PLD5: variants seen among roughly 807,000 people sequenced by gnomAD.
PLD5 encodes the protein inactive phospholipase D5.
A neutral mutation model predicts 61.1 loss-of-function variants in PLD5; 36 were observed. The observed-to-expected ratio is 0.59, with a 90% CI of 0.45 to 0.78. The LOEUF is 0.78. PLD5 is among the 30% of genes least tolerant of loss of function. The pLI is 0.00. For missense variants in PLD5, 515 were observed against 644.4 expected (o/e 0.80, Z 2.17); for synonymous variants, 243 against 242.8 (o/e 1.00, Z -0.01).
At chr1:242,314,210 C>A (rs992448182) in intron 2 of PLD5, among the ~76,000 whole-genome samples, 2 of 152,126 alleles carry the variant, frequency 1.3e-5, no homozygotes, top group Non-Finnish European at 1.5e-5. Flanking sequence ...GGCTCAGAAA[C>A]CTGATTTGAT....
chr1:242,444,686 T>TTA (rs1553376925), intron 1 of PLD5, among the ~76,000 whole-genome samples: 4 of 14,956 alleles, frequency 2.7e-4, no homozygotes, highest in Admixed American at 5.8e-4. Context: ...ATATAAATAT[T>TTA]TATATTATAT....
intron 2 of PLD5, among the ~76,000 whole-genome samples, chr1:242,330,486 C>T (rs1219195738): frequency 6.6e-6 from 1 of 152,200 alleles, no homozygotes; most frequent in Non-Finnish European, 1.5e-5. Flanking sequence ...CTTCCTGTGA[C>T]TCCCTAGCAC....
At chr1:242,284,389 G>T (rs1434537827) in intron 3 of PLD5, among the ~76,000 whole-genome samples, 13 of 151,666 alleles carry the variant, frequency 8.6e-5, no homozygotes, top group Admixed American at 8.5e-4. Flanking sequence ...TGCCCGCCTC[G>T]GCCTCCCAAA....
chr1:242,398,892 GGATAT>G (rs1476851894), intron 1 of PLD5, among the ~76,000 whole-genome samples: 2 of 152,148 alleles, frequency 1.3e-5, no homozygotes, highest in Admixed American at 6.5e-5. Context: ...TACAGTCATA[GGATAT>G]AATTTTAAGG....
At chr1:242,276,152 A>C (rs1674399347) in intron 3 of PLD5, among the ~76,000 whole-genome samples, 1 of 151,752 alleles carries the variant, frequency 6.6e-6, no homozygotes, top group Non-Finnish European at 1.5e-5. Flanking sequence ...AGCCTGAGCA[A>C]TATAACCAGA....
intron 5 of PLD5, among the ~76,000 whole-genome samples, chr1:242,127,850 C>A (rs1461560873): frequency 2.6e-5 from 4 of 152,092 alleles, no homozygotes; most frequent in Non-Finnish European, 4.4e-5. Context: ...CCTAGTAGAG[C>A]CAGAGATAGG....
chr1:242,169,982 G>A (rs1488398828), intron 5 of PLD5, among the ~76,000 whole-genome samples: 2 of 152,218 alleles, frequency 1.3e-5, no homozygotes, highest in Non-Finnish European at 2.9e-5. Flanking sequence ...GAGCACCAGG[G>A]GGAAGGGGTG....
chr1:242,363,733 C>T (rs1661195219), intron 1 of PLD5, among the ~76,000 whole-genome samples: 1 of 152,016 alleles, frequency 6.6e-6, no homozygotes, highest in Non-Finnish European at 1.5e-5. Flanking sequence ...TGTAACTATA[C>T]TGTAACTATA....
At chr1:242,485,660 A>G (rs999445977) in intron 1 of PLD5, among the ~76,000 whole-genome samples, 14 of 152,226 alleles carry the variant, frequency 9.2e-5, no homozygotes, top group African/African-American at 3.4e-4. Flanking sequence ...TATAGATTCA[A>G]TGCCATCCCC....
At chr1:242,140,799 C>T (rs1450721139) in intron 5 of PLD5, among the ~76,000 whole-genome samples, 1 of 152,074 alleles carries the variant, frequency 6.6e-6, no homozygotes, top group East Asian at 1.9e-4. Context: ...CCTCTCAGCC[C>T]CCTTGGCCTT....
intron 1 of PLD5, among the ~76,000 whole-genome samples, chr1:242,381,798 G>A (rs947668105): frequency 2.0e-4 from 30 of 152,142 alleles, no homozygotes; most frequent in African/African-American, 6.5e-4. Context: ...CCAAACCCAC[G>A]GGTGCCTCCA....
intron 1 of PLD5, among the ~76,000 whole-genome samples, chr1:242,409,899 C>G (rs1664453211): frequency 6.6e-6 from 1 of 152,304 alleles, no homozygotes; most frequent in Non-Finnish European, 1.5e-5. Context: ...TTTGGGTGGA[C>G]CCAGTTTCTA....
chr1:242,332,264 A>G (rs973376015), intron 2 of PLD5, among the ~76,000 whole-genome samples: 8 of 151,902 alleles, frequency 5.3e-5, no homozygotes, highest in Admixed American at 3.9e-4. Flanking sequence ...TATGTGCCAC[A>G]TTTTCTTTAT....
At chr1:242,378,744 G>C (rs1662112039) in intron 1 of PLD5, among the ~76,000 whole-genome samples, 2 of 152,118 alleles carry the variant, frequency 1.3e-5, no homozygotes, top group Admixed American at 1.3e-4. Context: ...AGGAGACTGA[G>C]ACATGAGAAT....
Position 242,179,921 on chromosome 1 carries a change from A to AGTGTGTGT in PLD5, c.735+40059_735+40066dup, listed in dbSNP as rs4039792. ...CTGTCTCAAAACAAAACCAAAATTG[A>AGTGTGTGT]GTGTGTGTGTGTGTGTGTGTGTGTG... On this transcript the variant is annotated intron_variant, in intron 5 of 9. Coordinates refer to ENST00000536534, the MANE Select transcript of PLD5 (RefSeq NM_001372062.1). Among the ~76,000 whole-genome samples, 663 of 150,552 alleles carry AGTGTGTGT rather than the reference A, an allele frequency of 4.4e-3. 5 individuals are homozygous for AGTGTGTGT. Among genetic ancestry groups the AGTGTGTGT allele is most frequent in the African/African-American group, 0.015 (634 of 41,046 alleles).
At chr1:242,465,032 A>C (rs1667232193) in intron 1 of PLD5, among the ~76,000 whole-genome samples, 1 of 152,212 alleles carries the variant, frequency 6.6e-6, no homozygotes, top group African/African-American at 2.4e-5. Flanking sequence ...TCTGGGTATG[A>C]GTTTCCTTAT....
At chr1:242,454,939 GTTC>G (rs1363017941) in intron 1 of PLD5, among the ~76,000 whole-genome samples, 13 of 152,198 alleles carry the variant, frequency 8.5e-5, no homozygotes, top group South Asian at 2.1e-4. Context: ...GTATGTGCCT[GTTC>G]TTCTTTTTTA....
chr1:242,207,664 T>G (rs1669407814), intron 5 of PLD5, among the ~76,000 whole-genome samples: 1 of 149,172 alleles, frequency 6.7e-6, no homozygotes, highest in African/African-American at 2.5e-5. Flanking sequence ...CTTGTCTTTT[T>G]TCATTGGTAA....
At chr1:242,356,298 C>A (rs1275599021) in intron 1 of PLD5, among the ~76,000 whole-genome samples, 2 of 151,640 alleles carry the variant, frequency 1.3e-5, no homozygotes, top group Non-Finnish European at 2.9e-5. Context: ...ATAAATTGAC[C>A]CCTTTATCAT....
Sources: allele counts gnomAD v4.1 joint callset (sites outside exome capture counted in the v4.1 genomes callset), GRCh38; gene constraint gnomAD v4.1.1; transcripts MANE v1.5; gene names NCBI Gene and HGNC (gene_info 2026-07-23, HGNC 2026-07-21).